Variants in UBE2L3 observed in about 807,000 individuals in gnomAD.
UBE2L3 encodes the protein ubiquitin conjugating enzyme E2 L3.
UBE2L3 carries 1 observed loss-of-function variant against 17.8 expected under a neutral mutation model. The observed-to-expected ratio is 0.06, with a 90% CI of 0.02 to 0.27. The LOEUF (loss-of-function observed/expected upper bound fraction) is 0.27. Among genes scored for constraint, UBE2L3 ranks in the 10% least tolerant of loss-of-function variants. UBE2L3 has a pLI of 1.00. For missense variants in UBE2L3, 40 were observed against 192.6 expected, an observed-to-expected ratio of 0.21 and a Z score of 4.69; for synonymous variants, 44 against 68.5, an observed-to-expected ratio of 0.64 and a Z score of 1.76.
At chr22:21,566,570 A>G (rs2148395777), upstream of UBE2L3, among the ~76,000 whole-genome samples, 1 of 150,022 alleles carries the variant, frequency 6.7e-6, no homozygotes, top group South Asian at 2.2e-4. Context: ...TGGGTGACAG[A>G]TCAAGACTCT....
At chr22:21,596,909 C>T (rs1182647284) in intron 2 of UBE2L3, among the ~76,000 whole-genome samples, 1 of 152,046 alleles carries the variant, frequency 6.6e-6, no homozygotes, top group East Asian at 1.9e-4. Context: ...AGTGCTGTCT[C>T]ATTGTGGTTT....
At chr22:21,606,706 G>C (rs959245157) in intron 2 of UBE2L3, among the ~76,000 whole-genome samples, 12 of 152,150 alleles carry the variant, frequency 7.9e-5, no homozygotes, top group African/African-American at 2.9e-4. Context: ...AAAAATAGCT[G>C]AGTGTGGTGG....
chr22:21,582,677 C>T (rs1927709886), intron 1 of UBE2L3, among the ~76,000 whole-genome samples: 1 of 152,136 alleles, frequency 6.6e-6, no homozygotes, highest in Non-Finnish European at 1.5e-5. Flanking sequence ...AGGCGCTTGC[C>T]ACCACGCCCA....
chr22:21,620,466 G>A (rs1929989964), intron 3 of UBE2L3, among the ~76,000 whole-genome samples: 1 of 152,134 alleles, frequency 6.6e-6, no homozygotes, highest in Non-Finnish European at 1.5e-5. Context: ...GCAGTTCGGA[G>A]AAGAGGGGCA....
chr22:21,620,728 G>C (rs1187425404), intron 3 of UBE2L3, among the ~76,000 whole-genome samples: 1 of 152,114 alleles, frequency 6.6e-6, no homozygotes, highest in East Asian at 1.9e-4. Context: ...CCATTGGCTG[G>C]CCCCAGTGAC....
intron 2 of UBE2L3, among the ~76,000 whole-genome samples, chr22:21,601,665 A>G (rs772913642): frequency 2.6e-5 from 4 of 151,874 alleles, no homozygotes; most frequent in Non-Finnish European, 5.9e-5. Flanking sequence ...GCTTGAGAGC[A>G]TAGAAACCAG....
At chr22:21,612,643 CTTT>C (rs57678378) in intron 3 of UBE2L3, among the ~76,000 whole-genome samples, 119 of 52,446 alleles carry the variant, frequency 2.3e-3, no homozygotes, top group Non-Finnish European at 3.9e-3. Context: ...CTTTTCTTTT[CTTT>C]TTTTTTTTTT....
intron 3 of UBE2L3, among the ~76,000 whole-genome samples, chr22:21,615,290 T>A (rs1929704249): frequency 6.6e-6 from 1 of 152,058 alleles, no homozygotes; most frequent in East Asian, 1.9e-4. Flanking sequence ...GCGCGGTGGC[T>A]CACGCCTGTA....
chr22:21,568,267 AGAGAGAAG>A, intron 1 of UBE2L3: 11 of 986,418 alleles, frequency 1.1e-5, no homozygotes, highest in Non-Finnish European at 1.3e-5. Context: ...GGGCTAGGAA[AGAGAGAAG>A]GAGGCCAGGC....
At chr22:21,557,621 T>C (rs1167263578) in intron 1 of UBE2L3, among the ~76,000 whole-genome samples, 1 of 152,154 alleles carries the variant, frequency 6.6e-6, no homozygotes, top group African/African-American at 2.4e-5. Context: ...CTCACGGGTT[T>C]ATGCCATTCT....
chr22:21,583,960 C>T (rs1409488142), intron 1 of UBE2L3, among the ~76,000 whole-genome samples: 1 of 152,076 alleles, frequency 6.6e-6, no homozygotes, highest in African/African-American at 2.4e-5. Flanking sequence ...CTGCAACCTC[C>T]TGCCTCCTGG....
At chr22:21,560,430 T>TCTTCCC in intron 1 of UBE2L3, among the ~76,000 whole-genome samples, 1 of 151,704 alleles carries the variant, frequency 6.6e-6, no homozygotes, top group South Asian at 2.1e-4. Flanking sequence ...TCTCCATTTC[T>TCTTCCC]CTTCCCTTTA....
intron 1 of UBE2L3, among the ~76,000 whole-genome samples, chr22:21,591,221 C>T (rs768593768): frequency 3.3e-5 from 5 of 152,194 alleles, no homozygotes; most frequent in Non-Finnish European, 7.3e-5. Context: ...CAGCCCATGC[C>T]GCTAACGCCT....
intron 2 of UBE2L3, among the ~76,000 whole-genome samples, chr22:21,595,598 A>G (rs910786113): frequency 6.6e-6 from 1 of 152,212 alleles, no homozygotes; most frequent in African/African-American, 2.4e-5. Flanking sequence ...CTGGGGAGGT[A>G]CTTCCTAGAG....
At chr22:21,595,043 G>T (rs1280724759) in intron 2 of UBE2L3, among the ~76,000 whole-genome samples, 1 of 152,206 alleles carries the variant, frequency 6.6e-6, no homozygotes, top group Non-Finnish European at 1.5e-5. Context: ...GCCTCCCTCT[G>T]GTTTCACGCT....
chr22:21,612,426 C>T (rs1053796601), intron 3 of UBE2L3, among the ~76,000 whole-genome samples: 1 of 150,980 alleles, frequency 6.6e-6, no homozygotes, highest in East Asian at 2.0e-4. Context: ...CCCGAGTTCG[C>T]GCCATTCTCC....
intron 1 of UBE2L3, among the ~76,000 whole-genome samples, chr22:21,586,661 G>A (rs113984344): frequency 1.2e-4 from 18 of 150,390 alleles, no homozygotes; most frequent in South Asian, 4.3e-4. Context: ...TCCACCTCCC[G>A]GATTCCAGTG....
upstream of UBE2L3, chr22:21,567,600 A>G: frequency 6.7e-7 from 1 of 1,501,960 alleles, no homozygotes; most frequent in Non-Finnish European, 8.9e-7. Flanking sequence ...CGCGCCCCCC[A>G]GCACAGTGGG....
At chr22:21,609,229 A>G (rs1380124996) in intron 2 of UBE2L3, among the ~76,000 whole-genome samples, 1 of 152,174 alleles carries the variant, frequency 6.6e-6, no homozygotes, top group Non-Finnish European at 1.5e-5. Flanking sequence ...CATATGTCTT[A>G]CCATTGGATC....
Sources: gnomAD v4.1 joint callset for allele counts (sites outside exome capture counted in the v4.1 genomes callset) on GRCh38, gnomAD v4.1.1 for gene constraint, MANE v1.5 for transcripts, NCBI Gene and HGNC (gene_info 2026-07-23, HGNC 2026-07-21) for gene names.